The following ZNF865 variants were observed in gnomAD, a reference collection of about 807,000 sequenced individuals.
ZNF865 encodes the protein zinc finger protein 865.
For synonymous variants in ZNF865, 763 were observed against 750.8 expected, an observed-to-expected ratio of 1.02 and a Z score of -0.27; for missense variants, 1,311 against 1,593.4, an observed-to-expected ratio of 0.82 and a Z score of 3.02.
chr19:55,615,945 C>A lies in ZNF865; in HGVS notation c.2327C>A (p.Ala776Glu). The A allele has an allele frequency of 1.3e-6, 2 of 1,507,196 alleles. No homozygotes were observed. The highest frequency in any genetic ancestry group is 1.2e-5 in the South Asian group (1 of 80,348). 93.4% of individuals were successfully genotyped at this position (1,507,196 alleles called of 1,614,324 possible). A position where few individuals can be genotyped will look rare whatever the true frequency, so the allele number is the denominator to read the frequency against. ...GVSGGEDAGG[A>E]AVAGAGGGAS... is the part of the protein sequence containing the mutation. ...TCTGGGGGTGAGGACGCAGGCGGGG[C>A]GGCGGTGGCAGGTGCTGGCGGGGGT... Residue 776 changes from alanine (A) to glutamate (E), a missense_variant, in exon 2 of 2, where the codon GCG becomes GAG. Physicochemically the swap from Ala to Glu is moderately radical, Grantham distance 107. Coordinates refer to ENST00000568956, the MANE Select transcript of ZNF865 (RefSeq NM_001195605.2).
At chr19:55,606,658 C>G (rs1980955045) in intron 1 of ZNF865, among the ~76,000 whole-genome samples, 1 of 152,228 alleles carries the variant, frequency 6.6e-6, no homozygotes, top group Non-Finnish European at 1.5e-5. Flanking sequence ...GTCCTGGACT[C>G]CCTAGGGAAG....
In ZNF865 at chr19:55,615,875, C is replaced by A. The variant is rs1200488195; in HGVS notation, c.2257C>A (p.Leu753Met). 1 of 1,479,744 alleles carries A rather than the reference C, an allele frequency of 6.8e-7. No homozygotes were observed. Among genetic ancestry groups the A allele is most frequent in the Non-Finnish European group, 8.9e-7 (1 of 1,123,066 alleles). The allele number at this position is 1,479,744 out of a possible 1,614,324, so 91.7% of individuals were successfully genotyped here. A position where few individuals can be genotyped will look rare whatever the true frequency, so the allele number is the denominator to read the frequency against. ...TGCGGCCAGCGTGCTGGACAACGGGCTGGCGGGGGAGGTGGGGGCGGCCGT... is the reference window on the plus strand; with the variant it reads ...TGCGGCCAGCGTGCTGGACAACGGGATGGCGGGGGAGGTGGGGGCGGCCGT... ...TDAASVLDNG[L>M]AGEVGAAVAA... The change falls in exon 2 of 2, where the codon CTG (leucine) becomes ATG (methionine). Residue 753 changes from leucine to methionine, a missense_variant. By Grantham distance (15) the Leu-to-Met change is conservative (BLOSUM62 2). Coordinates refer to ENST00000568956, the MANE Select transcript of ZNF865 (RefSeq NM_001195605.2).
intron 1 of ZNF865, among the ~76,000 whole-genome samples, chr19:55,610,674 C>T (rs893110166): frequency 3.3e-5 from 5 of 152,188 alleles, no homozygotes; most frequent in Non-Finnish European, 7.3e-5. Flanking sequence ...GCCAGTGCTA[C>T]GCTAAGTGCT....
chr19:55,616,648 C>T lies in ZNF865; in HGVS notation c.3030C>T (p.Ala1010=). 6.5e-7 allele frequency: 1 copy of T among 1,528,916 alleles called. No individual in the cohort carries two copies. The highest frequency in any genetic ancestry group is 8.7e-7 in the Non-Finnish European group (1 of 1,143,440). 94.7% of individuals were successfully genotyped at this position (1,528,916 alleles called of 1,614,324 possible). The stretch of plus-strand genomic sequence containing the variant: ...GCTACTTCCGTAAGCACCTGGCTGC[C>T]CACCAGGGCGGCCGGCCCTTCCGCT... ...DPGYFRKHLA[A]HQGGRPFRCS... Residue 1010 remains alanine, a synonymous_variant, in exon 2 of 2, where the codon GCC becomes GCT. Transcript: ENST00000568956.
chr19:55,606,943 T>A (rs1600006479), intron 1 of ZNF865, among the ~76,000 whole-genome samples: 1 of 152,048 alleles, frequency 6.6e-6, no homozygotes, highest in Admixed American at 6.5e-5. Flanking sequence ...AAGATCTGGG[T>A]GAGCAGGCAG....
In ZNF865 at chr19:55,612,290, T is replaced by C. The variant is rs1199109149; in HGVS notation, c.-26-1303T>C. ...CAGGTCTGTCCAAGCCCAGGGTCTGTGTTTTGATTGTATCAGACCACCTTC... is the reference window on the plus strand; with the variant it reads ...CAGGTCTGTCCAAGCCCAGGGTCTGCGTTTTGATTGTATCAGACCACCTTC... On this transcript the variant is annotated intron_variant, in intron 1 of 1. Transcript: ENST00000568956. Among the ~76,000 whole-genome samples the C allele has an allele frequency of 2.0e-5, 3 of 152,184 alleles. No individual in the cohort carries two copies. The East Asian group carries it at 5.8e-4, about 29-fold the overall frequency.
intron 1 of ZNF865, among the ~76,000 whole-genome samples, chr19:55,609,602 T>A (rs1342271785): frequency 6.6e-6 from 1 of 152,220 alleles, no homozygotes; most frequent in Non-Finnish European, 1.5e-5. Flanking sequence ...CCTGCTTTCC[T>A]CTTTATTGGC....
chr19:55,614,314 C>A lies in ZNF865; in HGVS notation c.696C>A (p.Ser232=). The change falls in exon 2 of 2, where the codon TCC becomes TCA. Residue 232 remains serine (S), a synonymous_variant. Coordinates refer to ENST00000568956, the MANE Select transcript of ZNF865 (RefSeq NM_001195605.2). This position sits in a 1 kb window ranked among gnomAD's most constrained non-coding sequence, Gnocchi z 8.0. ...RRFPCGVCQK[S]FKQSSHLVQH... ...TCCCCTGCGGCGTGTGCCAGAAGTCCTTCAAGCAGTCCTCGCACCTGGTCC... is the reference window on the plus strand; with the variant it reads ...TCCCCTGCGGCGTGTGCCAGAAGTCATTCAAGCAGTCCTCGCACCTGGTCC... The A allele has an allele frequency of 6.6e-7, 1 of 1,506,338 alleles. No homozygotes were observed. The highest frequency in any genetic ancestry group is 8.8e-7 in the Non-Finnish European group (1 of 1,132,674). The allele number at this position is 1,506,338 out of a possible 1,614,324, so 93.3% of individuals were successfully genotyped here. A position where few individuals can be genotyped will look rare whatever the true frequency, so the allele number is the denominator to read the frequency against.
At chr19:55,609,074 A>G (rs549856043) in intron 1 of ZNF865, among the ~76,000 whole-genome samples, 2 of 152,288 alleles carry the variant, frequency 1.3e-5, no homozygotes, top group South Asian at 4.1e-4. Flanking sequence ...CCCAGGCTGG[A>G]GTGCAGTGGC....
At chr19:55,610,344 T>A (rs1240486671) in intron 1 of ZNF865, among the ~76,000 whole-genome samples, 1 of 152,206 alleles carries the variant, frequency 6.6e-6, no homozygotes, top group African/African-American at 2.4e-5. Context: ...CACTGCAACC[T>A]CCACCTCCCG....
chr19:55,615,537 C>T lies in ZNF865; in HGVS notation c.1919C>T (p.Ala640Val). The part of the protein sequence containing the change: ...LQLPCALAGA[A>V]GLPSTQGTPG... Reference sequence around the variant, plus strand: ...CTGCCCTGCGCCCTGGCCGGGGCAGCCGGCCTCCCCTCCACCCAAGGCACA... The same window carrying T: ...CTGCCCTGCGCCCTGGCCGGGGCAGTCGGCCTCCCCTCCACCCAAGGCACA... Residue 640 changes from alanine to valine, a missense_variant, in exon 2 of 2, where the codon GCC (alanine) becomes GTC (valine). Ala to Val is a moderately conservative substitution (Grantham distance 64, BLOSUM62 0). Transcript: ENST00000568956. The T allele has an allele frequency of 1.3e-6, 2 of 1,506,766 alleles. No individual in the cohort carries two copies. The highest frequency in any genetic ancestry group is 1.7e-4 in the Middle Eastern group (1 of 5,772). 93.3% of individuals were successfully genotyped at this position (1,506,766 alleles called of 1,614,324 possible).
chr19:55,615,809 C>T lies in ZNF865; in HGVS notation c.2191C>T (p.Pro731Ser). The T allele has an allele frequency of 6.6e-7, 1 of 1,510,440 alleles. No individual in the cohort carries two copies. The allele number at this position is 1,510,440 out of a possible 1,614,324, so 93.6% of individuals were successfully genotyped here. ...AAPERLLPPA[P>S]GGLQPPDGSS... is the part of the protein sequence containing the mutation. ...CCCCGAGCGCCTGCTCCCGCCCGCA[C>T]CCGGCGGCCTGCAGCCCCCGGACGG... Residue 731 changes from proline to serine, a missense_variant, in exon 2 of 2, where the codon CCC (proline) becomes TCC (serine). By Grantham distance (74) the Pro-to-Ser change is moderately conservative. Coordinates refer to ENST00000568956, the MANE Select transcript of ZNF865 (RefSeq NM_001195605.2).
chr19:55,616,559 G>A lies in ZNF865; in HGVS notation c.2941G>A (p.Ala981Thr), dbSNP rs1981367437. 2 of 1,532,744 alleles carry A rather than the reference G, an allele frequency of 1.3e-6. No homozygotes were observed. Among genetic ancestry groups the A allele is most frequent in the Non-Finnish European group, 1.7e-6 (2 of 1,145,324 alleles). The allele number at this position is 1,532,744 out of a possible 1,614,324, so 94.9% of individuals were successfully genotyped here. A position where few individuals can be genotyped will look rare whatever the true frequency, so the allele number is the denominator to read the frequency against. The change falls in exon 2 of 2, where the codon GCC becomes ACC. Residue 981 changes from alanine to threonine, a missense_variant. Ala to Thr is a moderately conservative substitution (Grantham distance 58). Coordinates refer to ENST00000568956, the MANE Select transcript of ZNF865 (RefSeq NM_001195605.2). The part of the protein sequence containing the change: ...YLSSVLRHQR[A>T]HEPPRPELRC... ...GAGCTCCGTGCTGCGCCACCAGCGCGCCCATGAGCCGCCGCGGCCCGAGCT... is the reference window on the plus strand; with the variant it reads ...GAGCTCCGTGCTGCGCCACCAGCGCACCCATGAGCCGCCGCGGCCCGAGCT...
In ZNF865 at chr19:55,614,010, G is replaced by C. The variant is rs1451439804; in HGVS notation, c.392G>C (p.Gly131Ala). The change falls in exon 2 of 2, where the codon GGG becomes GCG. Residue 131 changes from glycine (G) to alanine (A), a missense_variant. Physicochemically the swap from Gly to Ala is moderately conservative, Grantham distance 60. Coordinates refer to ENST00000568956, the MANE Select transcript of ZNF865 (RefSeq NM_001195605.2). The surrounding 1 kb of genome is among the most constrained non-coding windows in gnomAD (Gnocchi z 8.0). Reference protein sequence around the residue: ...KPDPPLPPAFGAPPPPLFDAA... With the variant: ...KPDPPLPPAFAAPPPPLFDAA... The stretch of plus-strand genomic sequence containing the variant: ...GATCCGCCCCTGCCGCCCGCCTTCG[G>C]GGCGCCCCCTCCTCCCCTCTTTGAC... The C allele has an allele frequency of 3.3e-6, 5 of 1,508,468 alleles. No homozygotes were observed. The African/African-American group carries it at 7.0e-5, about 21-fold the overall frequency. 93.4% of individuals were successfully genotyped at this position (1,508,468 alleles called of 1,614,324 possible). A position where few individuals can be genotyped will look rare whatever the true frequency, so the allele number is the denominator to read the frequency against.
Position 55,615,337 on chromosome 19 carries a change from G to C in ZNF865, c.1719G>C (p.Thr573=), listed in dbSNP as rs1486176833. 2 of 1,518,876 alleles carry C rather than the reference G, an allele frequency of 1.3e-6. No individual in the cohort carries two copies. Among genetic ancestry groups the C allele is most frequent in the South Asian group, 1.2e-5 (1 of 81,484 alleles). The allele number at this position is 1,518,876 out of a possible 1,614,324, so 94.1% of individuals were successfully genotyped here. The change falls in exon 2 of 2, where the codon ACG becomes ACC. Residue 573 remains threonine (T), a synonymous_variant. Transcript: ENST00000568956. ...TGAAGCGCCATGAGCGCATCCACAC[G>C]GGCGAGAAGCCCCACCAGTGCCCCG... ...ETLKRHERIH[T]GEKPHQCPVC... is the part of the protein sequence containing the mutation.
Position 55,616,892 on chromosome 19 carries a change from C to A in ZNF865, c.*94C>A. On this transcript the variant is annotated 3_prime_UTR_variant, in exon 2 of 2. Transcript: ENST00000568956. ...ACTCTTCCCCCCTCCTCGCTGTTGC[C>A]CCATCCTTCAGAACTTCACACGGAC... 1 of 1,322,480 alleles carries A rather than the reference C, an allele frequency of 7.6e-7. No homozygotes were observed. Among genetic ancestry groups the A allele is most frequent in the Non-Finnish European group, 9.8e-7 (1 of 1,015,966 alleles). 81.9% of individuals were successfully genotyped at this position (1,322,480 alleles called of 1,614,324 possible).
At chr19:55,612,714 CT>C (rs1355415690) in intron 1 of ZNF865, 2 of 152,258 alleles carry the variant, frequency 1.3e-5, no homozygotes, top group Non-Finnish European at 2.9e-5. Flanking sequence ...GAACCGCCCC[CT>C]AAGAGCCTTG....
At chr19:55,607,079 C>T (rs1980970017) in intron 1 of ZNF865, among the ~76,000 whole-genome samples, 2 of 152,130 alleles carry the variant, frequency 1.3e-5, no homozygotes, top group African/African-American at 4.8e-5. Context: ...AAGCTTTGGT[C>T]TCAAAAGGCT....
rs547189597 is a variant in ZNF865 at position 55,613,615 on chromosome 19, G to T, written c.-4G>T. 1.3e-6 allele frequency: 2 copies of T among 1,511,168 alleles called. No individual in the cohort carries two copies. The highest frequency in any genetic ancestry group is 1.8e-6 in the Non-Finnish European group (2 of 1,134,598). 93.6% of individuals were successfully genotyped at this position (1,511,168 alleles called of 1,614,324 possible). A position where few individuals can be genotyped will look rare whatever the true frequency, so the allele number is the denominator to read the frequency against. ...CAGGGTCTCCCGTCTCCCACCCGCC[G>T]GAGATGGAGGCGAACCCAGCGGGCA... On this transcript the variant is annotated 5_prime_UTR_variant, in exon 2 of 2. Coordinates refer to ENST00000568956, the MANE Select transcript of ZNF865 (RefSeq NM_001195605.2).
Sources: gnomAD v4.1 joint callset for allele counts (sites outside exome capture counted in the v4.1 genomes callset) on GRCh38, gnomAD v4.1.1 for gene constraint, Gnocchi (gnomAD v3.1) non-coding constraint, MANE v1.5 for transcripts, NCBI Gene and HGNC (gene_info 2026-07-23, HGNC 2026-07-21) for gene names.